Variants in KAT7 observed in about 807,000 individuals in gnomAD.
KAT7 encodes the protein histone acetyltransferase KAT7.
In KAT7, 10 loss-of-function variants were observed where a neutral mutation model predicts 82.1. The observed-to-expected ratio is 0.12, with a 90% confidence interval of 0.08 to 0.21. The LOEUF is 0.21. Among genes scored for constraint, KAT7 ranks in the 10% least tolerant of loss-of-function variants. The pLI, the probability that KAT7 is intolerant of heterozygous loss-of-function variation, is 1.00. For missense variants in KAT7, 378 were observed against 760.9 expected (o/e 0.50, Z 5.92); for synonymous variants, 250 against 262.5 (o/e 0.95, Z 0.46).
chr17:49,824,923 C>T (rs1285458023), intron 12 of KAT7, among the ~76,000 whole-genome samples: 1 of 151,276 alleles, frequency 6.6e-6, no homozygotes, highest in Non-Finnish European at 1.5e-5. Context: ...GTCTATTACA[C>T]CTTAAAAAAA....
rs1737379892 is a variant in KAT7, at chr17:49,830,966, C to T, written c.*3464C>T. ...ATTTTTTAATTATTAACCAAATTAA[C>T]TCATTACAGTAAAAAGGACTGATTT... On this transcript the variant is annotated 3_prime_UTR_variant, in exon 15 of 15. Transcript: ENST00000259021. 1 of 152,082 alleles carries T rather than the reference C, an allele frequency of 6.6e-6. No homozygotes were observed. Among genetic ancestry groups the T allele is most frequent in the South Asian group, 2.1e-4 (1 of 4,826 alleles). The allele number at this position is 152,082 out of a possible 1,614,324, so 9.4% of individuals were successfully genotyped here.
At chr17:49,820,968 C>T (rs994072164) in intron 9 of KAT7, among the ~76,000 whole-genome samples, 20 of 151,980 alleles carry the variant, frequency 1.3e-4, no homozygotes, top group African/African-American at 4.8e-4. Flanking sequence ...CTTAGCCACC[C>T]TAAGCTGCTG....
In KAT7 at chr17:49,827,664, C is replaced by T. The variant is rs1475704166; in HGVS notation, c.*162C>T. ...CTGGCTCCGACCTTTGTGTACACTG[C>T]AGACGCTGGTTCTGAGGAACTGTTG... On this transcript the variant is annotated 3_prime_UTR_variant, in exon 15 of 15. Transcript: ENST00000259021. 1 of 606,516 alleles carries T rather than the reference C, an allele frequency of 1.6e-6. No individual in the cohort carries two copies. Among genetic ancestry groups the T allele is most frequent in the East Asian group, 2.7e-5 (1 of 36,428 alleles). The allele number at this position is 606,516 out of a possible 1,614,324, so 37.6% of individuals were successfully genotyped here.
intron 3 of KAT7, among the ~76,000 whole-genome samples, 179 bp downstream of exon 3, chr17:49,797,105 C>A (rs2073966801): frequency 1.3e-5 from 2 of 151,702 alleles, no homozygotes; most frequent in Non-Finnish European, 2.9e-5. Context: ...GCTCTATTGC[C>A]CAGGCTGGAG....
At chr17:49,813,259 A>G (rs1178571461) in intron 7 of KAT7, among the ~76,000 whole-genome samples, 1 of 152,020 alleles carries the variant, frequency 6.6e-6, no homozygotes, top group African/African-American at 2.4e-5. Context: ...CCCACTTATA[A>G]GTGAGAACAT....
In KAT7 at chr17:49,809,199, C is replaced by T. The variant is rs370241626; in HGVS notation, c.744C>T (p.Thr248=). Residue 248 remains threonine, a synonymous_variant, in exon 6 of 15, where the codon ACC becomes ACT. Coordinates refer to ENST00000259021, the MANE Select transcript of KAT7 (RefSeq NM_007067.5). ...HRQDDNNRHA[T]RHQAPTERQL... Reference sequence around the variant, plus strand: ...AAGATGACAACAACAGGCATGCAACCAGGCACCAGGTATGGGCCTTGTTAA... The same window carrying T: ...AAGATGACAACAACAGGCATGCAACTAGGCACCAGGTATGGGCCTTGTTAA... 4.2e-5 allele frequency: 68 copies of T among 1,613,386 alleles called. 1 individual carries two copies. Among genetic ancestry groups the T allele is most frequent in the Non-Finnish European group, 8.5e-6 (10 of 1,179,422 alleles).
intron 2 of KAT7, 138 bp downstream of exon 2, chr17:49,792,171 G>A (rs969674597): frequency 3.7e-6 from 3 of 809,676 alleles, no homozygotes; most frequent in African/African-American, 3.4e-5. Flanking sequence ...GTAAAATGTA[G>A]AGTGAATGCA....
At chr17:49,802,873 G>A (rs1335730525) in intron 4 of KAT7, among the ~76,000 whole-genome samples, 1 of 152,030 alleles carries the variant, frequency 6.6e-6, no homozygotes. Context: ...CTACGGGCAT[G>A]GACTACCGTG....
intron 2 of KAT7, among the ~76,000 whole-genome samples, chr17:49,792,898 ACCT>A (rs1467980492): frequency 6.6e-6 from 1 of 151,788 alleles, no homozygotes; most frequent in East Asian, 1.9e-4. Context: ...TGCAGCCTTG[ACCT>A]CCTTGGCTCA....
At chr17:49,827,190 G>A (rs1232909488) in intron 14 of KAT7, 2 of 550,258 alleles carry the variant, frequency 3.6e-6, no homozygotes, top group Non-Finnish European at 6.5e-6. Context: ...AGGTCGGTGA[G>A]CGATGATTTT....
chr17:49,797,126 C>A (rs981928407), intron 3 of KAT7, among the ~76,000 whole-genome samples, 200 bp downstream of exon 3: 2 of 150,456 alleles, frequency 1.3e-5, no homozygotes, highest in African/African-American at 4.9e-5. Flanking sequence ...TGCAGTGGTG[C>A]AATCTTGGCT....
At chr17:49,807,651 G>C (rs140452522) in intron 5 of KAT7, among the ~76,000 whole-genome samples, 1 of 152,260 alleles carries the variant, frequency 6.6e-6, no homozygotes, top group Non-Finnish European at 1.5e-5. Context: ...AATGGAGTGT[G>C]GGGGCAAGAG....
At position 49,825,997 on chromosome 17, in the gene KAT7, C is replaced by T. The variant is rs1293528352; in HGVS notation, c.1481-3C>T. 3 of 1,606,322 alleles carry T rather than the reference C, an allele frequency of 1.9e-6. No individual in the cohort carries two copies. The highest frequency in any genetic ancestry group is 1.7e-5 in the Admixed American group (1 of 59,310). On this transcript the variant is annotated splice_region_variant and splice_polypyrimidine_tract_variant and intron_variant, in intron 12 of 14. Coordinates refer to ENST00000259021, the MANE Select transcript of KAT7 (RefSeq NM_007067.5). ...GAAAAAGTCTGTATTTGTTCCCTGG[C>T]AGGTTATTTGCTTTCCAAAGTCGAA...
In KAT7 at chr17:49,826,815, G is replaced by C; in HGVS notation, c.1734+16G>C. 6.6e-7 allele frequency: 1 copy of C among 1,525,036 alleles called. No homozygotes were observed. Among genetic ancestry groups the C allele is most frequent in the Non-Finnish European group, 9.1e-7 (1 of 1,099,622 alleles). The allele number at this position is 1,525,036 out of a possible 1,614,324, so 94.5% of individuals were successfully genotyped here. On this transcript the variant is annotated intron_variant, in intron 14 of 14. Transcript: ENST00000259021. The stretch of plus-strand genomic sequence containing the variant: ...AAAGAGACAGGTAAGGTTCTCATCA[G>C]GGGCTTGCTCATTGCTGGATGTCCT...
intron 2 of KAT7, among the ~76,000 whole-genome samples, chr17:49,793,310 G>A (rs2073913483): frequency 1.3e-5 from 2 of 152,174 alleles, no homozygotes; most frequent in Admixed American, 6.5e-5. Context: ...AAATATCAGT[G>A]TGGAAATAAT....
At position 49,818,257 on chromosome 17, in the gene KAT7, T is replaced by C. The variant is rs553187021; in HGVS notation, c.1155+246T>C. 1.1e-4 allele frequency among the ~76,000 whole-genome samples: 17 copies of C among 152,306 alleles called. No individual in the cohort carries two copies. The South Asian group carries it at 3.5e-3, about 32-fold the overall frequency. On this transcript the variant is annotated intron_variant, in intron 9 of 14. Transcript: ENST00000259021. ...ACATCCTGTCATGTACATCTTCTTGTCTTTTGTTCTTGCTGCCTACTGCTC... is the reference window on the plus strand; with the variant it reads ...ACATCCTGTCATGTACATCTTCTTGCCTTTTGTTCTTGCTGCCTACTGCTC...
chr17:49,823,213 A>T lies in KAT7; in HGVS notation c.1398A>T (p.Ser466=). ...GCTCTTGATTTTAGGAAAAGAATTC[A>T]TTCCTCAACTACAACGTCTCCTGTA... The part of the protein sequence containing the change: ...LIGYFSKEKN[S]FLNYNVSCIL... Residue 466 remains serine (S), a synonymous_variant, in exon 12 of 15, where the codon TCA becomes TCT. Coordinates refer to ENST00000259021, the MANE Select transcript of KAT7 (RefSeq NM_007067.5). The T allele has an allele frequency of 6.3e-7, 1 of 1,586,728 alleles. No individual in the cohort carries two copies. The highest frequency in any genetic ancestry group is 8.7e-7 in the Non-Finnish European group (1 of 1,155,646).
chr17:49,792,951 A>G (rs1002295544), intron 2 of KAT7, among the ~76,000 whole-genome samples: 3 of 152,078 alleles, frequency 2.0e-5, no homozygotes, highest in African/African-American at 7.2e-5. Context: ...AGCTGGGACT[A>G]CAGGTGCACG....
intron 4 of KAT7, among the ~76,000 whole-genome samples, chr17:49,800,961 G>A (rs2074017278): frequency 6.6e-6 from 1 of 152,126 alleles, no homozygotes; most frequent in South Asian, 2.1e-4. Flanking sequence ...TAAGCATTAT[G>A]GGTAAGGAGA....
Sources: gnomAD v4.1 joint callset for allele counts (sites outside exome capture counted in the v4.1 genomes callset) on GRCh38, gnomAD v4.1.1 for gene constraint, MANE v1.5 for transcripts, NCBI Gene and HGNC (gene_info 2026-07-23, HGNC 2026-07-21) for gene names.